Variants in XKR4 observed in about 807,000 individuals in gnomAD.
XKR4 encodes XK-related protein 4.
Under a neutral mutation model 53.9 loss-of-function variants are expected in XKR4, and 12 were observed. That is an observed-to-expected ratio of 0.22 (90% CI 0.14 to 0.36). The LOEUF (loss-of-function observed/expected upper bound fraction) is 0.36, where lower values mean the gene tolerates loss of function less well. Among genes scored for constraint, XKR4 ranks in the 10% least tolerant of loss-of-function variants. XKR4 has a pLI of 1.00. For synonymous variants in XKR4, 354 were observed against 362.4 expected (o/e 0.98, Z 0.26); for missense variants, 799 against 859.5 (o/e 0.93, Z 0.88).
intron 1 of XKR4, among the ~76,000 whole-genome samples, chr8:55,329,485 G>T (rs1395841490): frequency 6.6e-6 from 1 of 151,748 alleles, no homozygotes; most frequent in East Asian, 1.9e-4. Context: ...GAAGCCAAAA[G>T]ATTGAACACC....
chr8:55,406,014 G>A (rs1416482925), intron 2 of XKR4, among the ~76,000 whole-genome samples: 1 of 152,120 alleles, frequency 6.6e-6, no homozygotes, highest in Non-Finnish European at 1.5e-5. Context: ...AGATTTTATA[G>A]TCTCAACCAA....
intron 1 of XKR4, among the ~76,000 whole-genome samples, chr8:55,337,560 G>T (rs1274353483): frequency 6.6e-6 from 1 of 152,148 alleles, no homozygotes; most frequent in Non-Finnish European, 1.5e-5. Context: ...ATCTAGGAGG[G>T]TATATCATAT....
At chr8:55,259,204 C>T (rs1382808812) in intron 1 of XKR4, among the ~76,000 whole-genome samples, 1 of 152,224 alleles carries the variant, frequency 6.6e-6, no homozygotes, top group Non-Finnish European at 1.5e-5. Context: ...GTGGGCCTCG[C>T]AGCTTTAGAT....
intron 1 of XKR4, among the ~76,000 whole-genome samples, chr8:55,352,001 A>C (rs1235867394): frequency 6.6e-6 from 1 of 152,246 alleles, no homozygotes; most frequent in Non-Finnish European, 1.5e-5. Context: ...AATCATCAGA[A>C]ACTGAGCCAG....
intron 1 of XKR4, chr8:55,164,787 C>G (rs886252122): frequency 1.4e-5 from 2 of 145,280 alleles, no homozygotes; most frequent in Non-Finnish European, 2.5e-5. Flanking sequence ...TTCACACACA[C>G]ATACACACAC....
intron 1 of XKR4, among the ~76,000 whole-genome samples, chr8:55,270,614 T>C (rs1818676353): frequency 6.6e-6 from 1 of 152,234 alleles, no homozygotes; most frequent in South Asian, 2.1e-4. Flanking sequence ...GCAATACTGT[T>C]GGAGTTTGAT....
At chr8:55,475,913 T>A (rs527254960) in intron 2 of XKR4, among the ~76,000 whole-genome samples, 1 of 152,002 alleles carries the variant, frequency 6.6e-6, no homozygotes, top group African/African-American at 2.4e-5. Flanking sequence ...ACACTCACTA[T>A]TTTTCTAATT....
intron 2 of XKR4, among the ~76,000 whole-genome samples, chr8:55,423,739 C>T (rs895170814): frequency 6.6e-6 from 1 of 152,236 alleles, no homozygotes; most frequent in Non-Finnish European, 1.5e-5. Flanking sequence ...GCACCAGTCT[C>T]AGTGCTTGGC....
chr8:55,172,479 T>C (rs1388287304), intron 1 of XKR4, among the ~76,000 whole-genome samples: 3 of 152,152 alleles, frequency 2.0e-5, no homozygotes, highest in Non-Finnish European at 4.4e-5. Context: ...ATTAATAAAA[T>C]ATATGCATAT....
At chr8:55,453,735 C>A in intron 2 of XKR4, 1 of 386,352 alleles carries the variant, frequency 2.6e-6, no homozygotes, top group South Asian at 2.1e-5. Context: ...ATCGCCAAGT[C>A]TGGGTACAGG....
intron 1 of XKR4, among the ~76,000 whole-genome samples, chr8:55,106,500 C>G (rs145967455): frequency 1.3e-5 from 2 of 152,152 alleles, no homozygotes; most frequent in African/African-American, 2.4e-5. Flanking sequence ...TGAATGAATG[C>G]GAAAGTACTT....
chr8:55,377,071 G>A (rs946932893), intron 2 of XKR4, among the ~76,000 whole-genome samples: 2 of 152,088 alleles, frequency 1.3e-5, no homozygotes, highest in African/African-American at 4.8e-5. Flanking sequence ...TATAATGCCT[G>A]ATGACAATGG....
At chr8:55,408,747 GCCTGTAATCC>G (rs1563342993) in intron 2 of XKR4, among the ~76,000 whole-genome samples, 3 of 152,162 alleles carry the variant, frequency 2.0e-5, no homozygotes, top group Non-Finnish European at 4.4e-5. Context: ...GGTGGTTCGC[GCCTGTAATCC>G]CAGGACTTTG....
At chr8:55,407,724 C>T (rs985639616) in intron 2 of XKR4, among the ~76,000 whole-genome samples, 1 of 152,220 alleles carries the variant, frequency 6.6e-6, no homozygotes, top group Non-Finnish European at 1.5e-5. Context: ...CGGAAAAGAC[C>T]GTTCCTAAGA....
intron 1 of XKR4, among the ~76,000 whole-genome samples, chr8:55,180,063 C>A (rs1445604325): frequency 4.6e-5 from 7 of 152,170 alleles, no homozygotes; most frequent in Admixed American, 6.5e-5. Flanking sequence ...TAAGCTATAT[C>A]TTGATGTCAA....
At position 55,470,752 on chromosome 8, in the gene XKR4, A is replaced by G. The variant is rs145016553; in HGVS notation, c.1007-52529A>G. Reference sequence around the variant, plus strand: ...AGTGAGTATGTGTCAGCTTCTCATTATAATTTATGGATCCTTCCTACTGAT... The same window carrying G: ...AGTGAGTATGTGTCAGCTTCTCATTGTAATTTATGGATCCTTCCTACTGAT... On this transcript the variant is annotated intron_variant, in intron 2 of 2. Transcript: ENST00000327381. Among the ~76,000 whole-genome samples, 167 of 152,282 alleles carry G rather than the reference A, an allele frequency of 1.1e-3. 4 individuals carry two copies. In the East Asian group the frequency reaches 0.023, roughly 21 times the overall value.
chr8:55,336,070 A>G (rs1803456386), intron 1 of XKR4, among the ~76,000 whole-genome samples: 1 of 151,742 alleles, frequency 6.6e-6, no homozygotes, highest in South Asian at 2.1e-4. Context: ...GAAAAGAAAA[A>G]CAGAGTACTT....
chr8:55,210,757 G>A (rs1429219314), intron 1 of XKR4, among the ~76,000 whole-genome samples: 4 of 152,084 alleles, frequency 2.6e-5, no homozygotes, highest in Non-Finnish European at 5.9e-5. Flanking sequence ...TACAGAGAGG[G>A]GTGGGTCCCA....
At chr8:55,206,037 C>A (rs766651136) in intron 1 of XKR4, among the ~76,000 whole-genome samples, 6 of 152,166 alleles carry the variant, frequency 3.9e-5, no homozygotes, top group Non-Finnish European at 5.9e-5. Context: ...GTTGTTTGTT[C>A]CTACCGGTGG....
Sources: gnomAD v4.1 joint callset for allele counts (sites outside exome capture counted in the v4.1 genomes callset) on GRCh38, gnomAD v4.1.1 for gene constraint, MANE v1.5 for transcripts, NCBI Gene and HGNC (gene_info 2026-07-23, HGNC 2026-07-21) for gene names.